The following CCNL2 variants were observed in gnomAD, a reference collection of about 807,000 sequenced individuals.
The protein encoded by CCNL2 is cyclin L2, also known as cyclin-L2.
In CCNL2, 28 loss-of-function variants were observed where a neutral mutation model predicts 59.1. That is an observed-to-expected ratio of 0.47 (90% CI 0.35 to 0.65). The LOEUF (loss-of-function observed/expected upper bound fraction) is 0.65. Among genes scored for constraint, CCNL2 ranks in the 30% least tolerant of loss-of-function variants. The pLI is 0.00. For missense variants in CCNL2, 714 were observed against 717.4 expected (o/e 1.00, Z 0.05); for synonymous variants, 342 against 288.6 (o/e 1.19, Z -1.88).
intron 3 of CCNL2, among the ~76,000 whole-genome samples, chr1:1,397,538 C>T (rs980967754): frequency 1.3e-5 from 2 of 152,100 alleles, no homozygotes; most frequent in Non-Finnish European, 2.9e-5. Context: ...GTTGCTGAAT[C>T]CTGCAGCACA....
rs760976268 is a variant in CCNL2 at position 1,390,416 on chromosome 1, C to A, written c.864+43G>T. 2.7e-5 allele frequency: 43 copies of A among 1,610,914 alleles called. No individual in the cohort carries two copies. The Admixed American group carries it at 7.2e-4, about 27-fold the overall frequency. On this transcript the variant is annotated intron_variant, in intron 7 of 10. Coordinates refer to ENST00000400809, the MANE Select transcript of CCNL2 (RefSeq NM_030937.6). ...TCCGTTCAGAACCAGGTGTTTCTGG[C>A]CAAACACAAACGCATACGTTACATG...
intron 8 of CCNL2, 98 bp downstream of exon 8, chr1:1,390,132 A>T (rs1644683463): frequency 2.5e-6 from 3 of 1,188,376 alleles, no homozygotes. Context: ...AAAAAAAAAA[A>T]ATGTCTGGAA....
chr1:1,398,626 T>C lies in CCNL2; in HGVS notation c.334A>G (p.Thr112Ala). ...ATGGAGTGCTTCACGAAGGACTTGG[T>C]ATAAAAGAACCGCTGGAACAACACC... ...GQVLFQRFFYTKSFVKHSMEH... is the reference protein window; with the variant it reads ...GQVLFQRFFYAKSFVKHSMEH... Residue 112 changes from threonine to alanine, a missense_variant, in exon 2 of 11, where the codon ACC becomes GCC. Physicochemically the swap from Thr to Ala is moderately conservative, Grantham distance 58. Coordinates refer to ENST00000400809, the MANE Select transcript of CCNL2 (RefSeq NM_030937.6). 1 of 1,613,950 alleles carries C rather than the reference T, an allele frequency of 6.2e-7. No individual in the cohort carries two copies. Among genetic ancestry groups the C allele is most frequent in the Non-Finnish European group, 8.5e-7 (1 of 1,179,970 alleles).
At chr1:1,391,708 C>A (rs769295590) in intron 5 of CCNL2, 1 of 458,986 alleles carries the variant, frequency 2.2e-6, no homozygotes, top group African/African-American at 2.1e-5. Context: ...TATAAACATA[C>A]AAAAATTTAC....
At position 1,386,628 on chromosome 1, in the gene CCNL2, C is replaced by T. The variant is rs943944276; in HGVS notation, c.*603G>A. 2 of 152,678 alleles carry T rather than the reference C, an allele frequency of 1.3e-5. No homozygotes were observed. The highest frequency in any genetic ancestry group is 2.4e-5 in the African/African-American group (1 of 41,444). The allele number at this position is 152,678 out of a possible 1,614,324, so 9.5% of individuals were successfully genotyped here. On this transcript the variant is annotated 3_prime_UTR_variant, in exon 11 of 11. Transcript: ENST00000400809. Reference sequence around the variant, plus strand: ...GACTTTCAACACAGATCCAAATACCCTCACATTTTAAAAGTCAGGATTCCC... The same window carrying T: ...GACTTTCAACACAGATCCAAATACCTTCACATTTTAAAAGTCAGGATTCCC...
rs1295882395 is a variant in CCNL2, at chr1:1,390,301, G to C, written c.935C>G (p.Ala312Gly). Residue 312 changes from alanine (A) to glycine (G), a missense_variant, in exon 8 of 11, where the codon GCC (alanine) becomes GGC (glycine). This residue lies in a region of CCNL2 where 403 missense variants were observed against 377.7 expected (regional missense o/e 1.07). Coordinates refer to ENST00000400809, the MANE Select transcript of CCNL2 (RefSeq NM_030937.6). ...KHAIEEAKAQ[A>G]RGLLPGGTQV... ...TGTGCCCCCAGGCAACAGGCCCCGG[G>C]CTTGGGCCTTTGCCTCTTCGATAGC... The C allele has an allele frequency of 6.2e-7, 1 of 1,613,980 alleles. No individual in the cohort carries two copies. The highest frequency in any genetic ancestry group is 2.2e-5 in the East Asian group (1 of 44,874).
intron 4 of CCNL2, 141 bp downstream of exon 4, chr1:1,395,253 G>A: frequency 5.0e-6 from 4 of 792,862 alleles, no homozygotes; most frequent in Non-Finnish European, 7.9e-6. Flanking sequence ...CTATTCTTGA[G>A]ATTATAAATA....
chr1:1,391,800 C>T, intron 5 of CCNL2: 1 of 321,236 alleles, frequency 3.1e-6, no homozygotes, highest in Non-Finnish European at 6.1e-6. Context: ...TAGACTAAAA[C>T]CAGACCTTAC....
intron 5 of CCNL2, chr1:1,392,873 C>T: frequency 6.7e-7 from 1 of 1,502,106 alleles, no homozygotes; most frequent in Non-Finnish European, 9.2e-7. Context: ...TAGCACCAGA[C>T]AATTCAGTCA....
chr1:1,391,450 GA>G, intron 5 of CCNL2: 2 of 1,242,506 alleles, frequency 1.6e-6, no homozygotes, highest in Non-Finnish European at 2.1e-6. Context: ...TTGGAAGAGG[GA>G]AAAGCCCCTT....
chr1:1,390,779 G>A lies in CCNL2; in HGVS notation c.746C>T (p.Ala249Val). Reference protein sequence around the residue: ...SIACACIYLAARTLEIPLPNR... With the variant: ...SIACACIYLAVRTLEIPLPNR... ...CAACACACTGACCTCCAGCGTCCGG[G>A]CAGCAAGATAAATGCAGGCACAGGC... Residue 249 changes from alanine to valine, a missense_variant, in exon 6 of 11, where the codon GCC becomes GTC. Ala to Val is a moderately conservative substitution (Grantham distance 64). Around this residue, in one of 5 missense-constraint regions of CCNL2, gnomAD observed 403 missense variants for 377.7 expected, o/e 1.07. Transcript: ENST00000400809. 6.2e-7 allele frequency: 1 copy of A among 1,613,974 alleles called. No homozygotes were observed. The highest frequency in any genetic ancestry group is 8.5e-7 in the Non-Finnish European group (1 of 1,179,892).
intron 1 of CCNL2, 126 bp downstream of exon 1, chr1:1,398,893 C>T (rs1471821611): frequency 1.4e-6 from 2 of 1,387,212 alleles, no homozygotes; most frequent in Admixed American, 6.0e-5. Flanking sequence ...GGCGCCGAGG[C>T]TGGGGTCGGG....
rs1645185320 is a variant in CCNL2, at chr1:1,398,623, T to G, written c.337A>C (p.Lys113Gln). The G allele has an allele frequency of 6.2e-7, 1 of 1,613,874 alleles. No homozygotes were observed. The highest frequency in any genetic ancestry group is 8.5e-7 in the Non-Finnish European group (1 of 1,180,008). ...TCCATGGAGTGCTTCACGAAGGACT[T>G]GGTATAAAAGAACCGCTGGAACAAC... ...QVLFQRFFYT[K>Q]SFVKHSMEHV... Residue 113 changes from lysine (K) to glutamine (Q), a missense_variant, in exon 2 of 11, where the codon AAG becomes CAG. Around this residue, in one of 5 missense-constraint regions of CCNL2, gnomAD observed 270 missense variants for 254.9 expected, o/e 1.06. Transcript: ENST00000400809.
intron 3 of CCNL2, 48 bp downstream of exon 3, chr1:1,398,184 TA>T: frequency 1.3e-6 from 2 of 1,553,484 alleles, no homozygotes; most frequent in Non-Finnish European, 1.8e-6. Context: ...TAATCAGAAA[TA>T]AAGAAAATAG....
chr1:1,395,870 G>A (rs1489959712), intron 3 of CCNL2, among the ~76,000 whole-genome samples: 8 of 152,170 alleles, frequency 5.3e-5, no homozygotes, highest in African/African-American at 1.9e-4. Flanking sequence ...CAGAACCAAT[G>A]AAAGCACAAT....
At chr1:1,396,838 T>C (rs1645061424) in intron 3 of CCNL2, among the ~76,000 whole-genome samples, 1 of 151,534 alleles carries the variant, frequency 6.6e-6, no homozygotes, top group African/African-American at 2.4e-5. Flanking sequence ...AAGCTCCACC[T>C]CCCGGGTTCA....
At chr1:1,394,571 G>A (rs1165969382) in intron 4 of CCNL2, among the ~76,000 whole-genome samples, 5 of 151,806 alleles carry the variant, frequency 3.3e-5, no homozygotes, top group Middle Eastern at 3.4e-3. Flanking sequence ...CCAACATGAC[G>A]AAACCCCATC....
rs1264488127 is a variant in CCNL2, at chr1:1,387,215, T to C, written c.*16A>G. 6.3e-7 allele frequency: 1 copy of C among 1,586,890 alleles called. No individual in the cohort carries two copies. On this transcript the variant is annotated 3_prime_UTR_variant, in exon 11 of 11. Coordinates refer to ENST00000400809, the MANE Select transcript of CCNL2 (RefSeq NM_030937.6). ...CCAGGGAAGGGCTTGCGGCCACCAG[T>C]CACTGCAACCCCGCCTCACCTCCGA...
Position 1,399,103 on chromosome 1 carries a change from G to A in CCNL2, c.204C>T (p.Gly68=), listed in dbSNP as rs1645225776. 1 of 1,611,892 alleles carries A rather than the reference G, an allele frequency of 6.2e-7. No individual in the cohort carries two copies. Among genetic ancestry groups the A allele is most frequent in the Non-Finnish European group, 8.5e-7 (1 of 1,179,442 alleles). ...KLRFTPSMSS[G]LDTDTETDLR... Reference sequence around the variant, plus strand: ...GGTCGGTCTCTGTGTCGGTGTCGAGGCCGCTCGACATGGACGGCGTGAAAC... The same window carrying A: ...GGTCGGTCTCTGTGTCGGTGTCGAGACCGCTCGACATGGACGGCGTGAAAC... The change falls in exon 1 of 11, where the codon GGC becomes GGT. Residue 68 remains glycine (G), a synonymous_variant. Transcript: ENST00000400809.
Sources: allele counts gnomAD v4.1 joint callset (sites outside exome capture counted in the v4.1 genomes callset), GRCh38; gene constraint gnomAD v4.1.1; regional missense constraint gnomAD v4.1.1; transcripts MANE v1.5; gene names NCBI Gene and HGNC (gene_info 2026-07-23, HGNC 2026-07-21).